NTN1: variants seen among roughly 807,000 people sequenced by gnomAD.
NTN1 encodes netrin 1.
Under a neutral mutation model 54.2 loss-of-function variants are expected in NTN1, and 11 were observed. The ratio of observed to expected loss-of-function variants is 0.20; its 90% CI spans 0.13 to 0.34. NTN1 has a LOEUF of 0.34. Among genes scored for constraint, NTN1 ranks in the 10% least tolerant of loss-of-function variants. The probability of loss-of-function intolerance (pLI) is 1.00; values close to 1 mark genes in which losing one functional copy is unlikely to be tolerated. For synonymous variants in NTN1, 371 were observed against 382.0 expected, an observed-to-expected ratio of 0.97 and a Z score of 0.33; for missense variants, 740 against 893.1, an observed-to-expected ratio of 0.83 and a Z score of 2.18.
intron 6 of NTN1, among the ~76,000 whole-genome samples, chr17:9,228,236 G>A (rs899348978): frequency 4.6e-5 from 7 of 152,234 alleles, no homozygotes; most frequent in Admixed American, 4.6e-4. Context: ...CCTGGAGGAG[G>A]GAGCCTGAGT....
At chr17:9,200,865 C>G (rs1411342593) in intron 5 of NTN1, among the ~76,000 whole-genome samples, 1 of 152,168 alleles carries the variant, frequency 6.6e-6, no homozygotes, top group Non-Finnish European at 1.5e-5. Context: ...TTAACTAAAT[C>G]CACACGTCAG....
intron 2 of NTN1, among the ~76,000 whole-genome samples, chr17:9,119,245 T>A (rs891520747): frequency 6.6e-6 from 1 of 152,210 alleles, no homozygotes; most frequent in Non-Finnish European, 1.5e-5. Context: ...TGGAGTGCAA[T>A]GGTGCGATCT....
intron 2 of NTN1, among the ~76,000 whole-genome samples, chr17:9,072,738 C>A (rs543722702): frequency 1.4e-4 from 21 of 152,294 alleles, no homozygotes; most frequent in African/African-American, 3.6e-4. Context: ...TCTCTCCCCC[C>A]AGAATTGAGT....
chr17:9,161,861 G>A (rs1363944823), intron 2 of NTN1, among the ~76,000 whole-genome samples: 5 of 152,190 alleles, frequency 3.3e-5, no homozygotes, highest in Non-Finnish European at 7.3e-5. Flanking sequence ...CAAGCCACAG[G>A]GAACCTGAGG....
intron 5 of NTN1, among the ~76,000 whole-genome samples, chr17:9,199,977 A>G (rs1417807273): frequency 6.6e-6 from 1 of 152,216 alleles, no homozygotes; most frequent in African/African-American, 2.4e-5. Context: ...ACAGCTGCCT[A>G]GATTTGGGTT....
At chr17:9,228,067 G>A (rs767361133) in intron 6 of NTN1, among the ~76,000 whole-genome samples, 1 of 152,280 alleles carries the variant, frequency 6.6e-6, no homozygotes. Flanking sequence ...AGATCTGTGT[G>A]AGGCTCAGTC....
chr17:9,111,913 A>G (rs929448404), intron 2 of NTN1, among the ~76,000 whole-genome samples: 1 of 152,180 alleles, frequency 6.6e-6, no homozygotes, highest in African/African-American at 2.4e-5. Flanking sequence ...GGCACCTGTA[A>G]ATGGACCCAC....
chr17:9,085,165 G>A (rs956404834), intron 2 of NTN1, among the ~76,000 whole-genome samples: 2 of 152,150 alleles, frequency 1.3e-5, no homozygotes, highest in African/African-American at 4.8e-5. Context: ...CCCTCACTTC[G>A]TGGCTGGGTG....
intron 6 of NTN1, among the ~76,000 whole-genome samples, chr17:9,238,497 C>A (rs1244061732): frequency 6.6e-6 from 1 of 152,134 alleles, no homozygotes; most frequent in Non-Finnish European, 1.5e-5. Flanking sequence ...CAGGTACCCC[C>A]TGGTCTGGGG....
chr17:9,153,117 A>C (rs1346735792), intron 2 of NTN1, among the ~76,000 whole-genome samples: 2 of 152,136 alleles, frequency 1.3e-5, no homozygotes, highest in Admixed American at 1.3e-4. Context: ...AAAAATACAA[A>C]AATGAGCCAG....
intron 3 of NTN1, among the ~76,000 whole-genome samples, chr17:9,166,776 C>T (rs2092374611): frequency 6.6e-6 from 1 of 152,126 alleles, no homozygotes; most frequent in Non-Finnish European, 1.5e-5. Context: ...TCTTGACTCC[C>T]AAATTGGCTT....
chr17:9,221,091 C>T lies in NTN1; in HGVS notation c.1412-77C>T. The T allele has an allele frequency of 9.3e-7, 1 of 1,077,216 alleles. No homozygotes were observed. The highest frequency in any genetic ancestry group is 1.3e-5 in the South Asian group (1 of 79,806). 66.7% of individuals were successfully genotyped at this position (1,077,216 alleles called of 1,614,324 possible). On this transcript the variant is annotated intron_variant, in intron 5 of 6. Coordinates refer to ENST00000173229, the MANE Select transcript of NTN1 (RefSeq NM_004822.3). This position sits in a 1 kb window ranked among gnomAD's most constrained non-coding sequence, Gnocchi z 4.5. ...GCCTCTGGCTATTTAGGGAGGCGGC[C>T]TCCTACTCTGCCCGCCAGCCTATTC... is the stretch of plus-strand genomic sequence containing the variant.
At position 9,135,618 on chromosome 17, in the gene NTN1, G is replaced by C. The variant is rs188710376; in HGVS notation, c.1019-27195G>C. On this transcript the variant is annotated intron_variant, in intron 2 of 6. Coordinates refer to ENST00000173229, the MANE Select transcript of NTN1 (RefSeq NM_004822.3). This position sits in a 1 kb window ranked among gnomAD's most constrained non-coding sequence, Gnocchi z 4.4. ...TTGTCACGATGGCCCAGCACTGTTG[G>C]GTTCAGCTGGTGTGTGGAGCCTCTG... 1.3e-5 allele frequency among the ~76,000 whole-genome samples: 2 copies of C among 152,198 alleles called. No homozygotes were observed. The highest frequency in any genetic ancestry group is 1.9e-4 in the East Asian group (1 of 5,196).
At chr17:9,109,213 A>G (rs1337076610) in intron 2 of NTN1, among the ~76,000 whole-genome samples, 2 of 152,218 alleles carry the variant, frequency 1.3e-5, no homozygotes, top group East Asian at 3.8e-4. Context: ...TAAAATAATA[A>G]GAGAACATTG....
At chr17:9,049,630 A>AGGAC (rs1434903242) in intron 2 of NTN1, among the ~76,000 whole-genome samples, 1 of 152,238 alleles carries the variant, frequency 6.6e-6, no homozygotes, top group Non-Finnish European at 1.5e-5. Context: ...ATTACTCTTT[A>AGGAC]GGACTATGAA....
Position 9,193,809 on chromosome 17 carries a change from C to A in NTN1, c.1411+10840C>A, listed in dbSNP as rs181086865. Among the ~76,000 whole-genome samples the A allele has an allele frequency of 3.6e-4, 53 of 148,478 alleles. No homozygotes were observed. In the East Asian group the frequency reaches 0.011, roughly 30 times the overall value. ...TGGTGGCGCATGCCTGTAACCCCAGCTACTTGGGAGGCTGAGGCAGGAGAA... is the reference window on the plus strand; with the variant it reads ...TGGTGGCGCATGCCTGTAACCCCAGATACTTGGGAGGCTGAGGCAGGAGAA... On this transcript the variant is annotated intron_variant, in intron 5 of 6. Coordinates refer to ENST00000173229, the MANE Select transcript of NTN1 (RefSeq NM_004822.3).
chr17:9,050,371 A>G (rs1044683344), intron 2 of NTN1, among the ~76,000 whole-genome samples: 1 of 151,916 alleles, frequency 6.6e-6, no homozygotes, highest in African/African-American at 2.4e-5. Flanking sequence ...CTTTGGAATC[A>G]TACAAACCCT....
At chr17:9,110,153 GCAA>G (rs1300020935) in intron 2 of NTN1, among the ~76,000 whole-genome samples, 2 of 152,158 alleles carry the variant, frequency 1.3e-5, no homozygotes, top group African/African-American at 4.8e-5. Context: ...CCCACCAGGT[GCAA>G]CCTGACTCAA....
At chr17:9,063,308 G>T (rs1270089809) in intron 2 of NTN1, among the ~76,000 whole-genome samples, 1 of 152,098 alleles carries the variant, frequency 6.6e-6, no homozygotes, top group Non-Finnish European at 1.5e-5. Context: ...ATGTTGGCCA[G>T]GCTGGTCTCG....
Sources: allele counts gnomAD v4.1 joint callset (sites outside exome capture counted in the v4.1 genomes callset), GRCh38; gene constraint gnomAD v4.1.1; non-coding constraint Gnocchi (gnomAD v3.1); transcripts MANE v1.5; gene names NCBI Gene and HGNC (gene_info 2026-07-23, HGNC 2026-07-21).